PCDHGB3: variants seen among roughly 807,000 people sequenced by gnomAD.
The protein encoded by PCDHGB3 is protocadherin gamma subfamily B, 3, also known as protocadherin gamma-B3.
PCDHGB3 carries 40 observed loss-of-function variants against 59.2 expected under a neutral mutation model. That is an observed-to-expected ratio of 0.68 (90% confidence interval 0.52 to 0.88). PCDHGB3 has a LOEUF of 0.88. Among genes scored for constraint, PCDHGB3 ranks in the 40% least tolerant of loss-of-function variants. The probability of loss-of-function intolerance (pLI) is 0.00; values close to 1 mark genes in which losing one functional copy is unlikely to be tolerated. For missense variants in PCDHGB3, 1,309 were observed against 1,187.9 expected (o/e 1.10, Z -1.50); for synonymous variants, 581 against 503.6 (o/e 1.15, Z -2.06).
intron 1 of PCDHGB3, chr5:141,433,096 C>G: frequency 3.1e-6 from 5 of 1,614,118 alleles, no homozygotes; most frequent in Non-Finnish European, 4.2e-6. Flanking sequence ...CAGACATGCT[C>G]GTCAGCCAGG....
At chr5:141,421,651 A>C in intron 1 of PCDHGB3, 1 of 1,613,868 alleles carries the variant, frequency 6.2e-7, no homozygotes, top group Non-Finnish European at 8.5e-7. Flanking sequence ...AGTGGAGATA[A>C]AAGTCAGTGA....
intron 1 of PCDHGB3, among the ~76,000 whole-genome samples, chr5:141,460,124 A>AAT (rs2098982741): frequency 6.6e-6 from 1 of 152,052 alleles, no homozygotes; most frequent in African/African-American, 2.4e-5. Context: ...TTATATATGT[A>AAT]ATATATATAT....
chr5:141,472,980 C>CAAAAAAAAAAA (rs60579131), intron 1 of PCDHGB3, among the ~76,000 whole-genome samples: 11 of 86,030 alleles, frequency 1.3e-4, no homozygotes, highest in Non-Finnish European at 1.3e-4. Flanking sequence ...GAGTGAAACT[C>CAAAAAAAAAAA]AAAAAAAAAA....
In PCDHGB3 at chr5:141,398,692, A is replaced by G. The variant is rs150385715; in HGVS notation, c.2415+25883A>G. 1.9e-3 allele frequency: 3,041 copies of G among 1,613,942 alleles called. 6 individuals carry two copies. Among genetic ancestry groups the G allele is most frequent in the Non-Finnish European group, 2.3e-3 (2,760 of 1,179,898 alleles). On this transcript the variant is annotated intron_variant, in intron 1 of 3. Coordinates refer to ENST00000576222, the MANE Select transcript of PCDHGB3 (RefSeq NM_018924.5). The stretch of plus-strand genomic sequence containing the variant: ...AATAATTAAGGAGAAACAGGATGGT[A>G]GTAAATACCCGGAACTGGCACTGGA...
At chr5:141,419,689 G>T in intron 1 of PCDHGB3, 1 of 1,613,000 alleles carries the variant, frequency 6.2e-7, no homozygotes, top group African/African-American at 1.3e-5. Context: ...ACGTGGTGCA[G>T]GCCAGTGAGC....
chr5:141,432,707 G>T lies in PCDHGB3; in HGVS notation c.2415+59898G>T. The T allele has an allele frequency of 6.2e-7, 1 of 1,613,988 alleles. No homozygotes were observed. The highest frequency in any genetic ancestry group is 1.1e-5 in the South Asian group (1 of 91,080). ...CCTCGTAGTGGCCGTCCAGGACCAC[G>T]GCCAGCCCCCTCTCTCCGCCACTGT... On this transcript the variant is annotated intron_variant, in intron 1 of 3. Transcript: ENST00000576222. The surrounding 1 kb of genome is among the most constrained non-coding windows in gnomAD (Gnocchi z 6.0).
intron 1 of PCDHGB3, among the ~76,000 whole-genome samples, chr5:141,386,684 T>A (rs1216561775): frequency 6.6e-6 from 1 of 152,098 alleles, no homozygotes; most frequent in African/African-American, 2.4e-5. Flanking sequence ...AGATGTACAA[T>A]CACTTGGGGT....
At chr5:141,374,161 C>G in intron 1 of PCDHGB3, 1 of 1,612,316 alleles carries the variant, frequency 6.2e-7, no homozygotes, top group South Asian at 1.1e-5. Flanking sequence ...TGTGGGGGGC[C>G]GCGGCAGCGC....
chr5:141,421,680 G>A (rs2096591907), intron 1 of PCDHGB3: 5 of 1,613,758 alleles, frequency 3.1e-6, no homozygotes, highest in Non-Finnish European at 4.2e-6. Context: ...TTCCTGGGGC[G>A]CGATTTGCTC....
intron 1 of PCDHGB3, among the ~76,000 whole-genome samples, chr5:141,380,312 T>C (rs1776368746): frequency 6.6e-6 from 1 of 152,162 alleles, no homozygotes; most frequent in Middle Eastern, 3.2e-3. Context: ...TGCTTGAGAA[T>C]GAAAATCTAA....
In PCDHGB3 at chr5:141,432,446, C is replaced by T. The variant is rs765059815; in HGVS notation, c.2415+59637C>T. The T allele has an allele frequency of 1.2e-6, 2 of 1,614,256 alleles. No individual in the cohort carries two copies. Among genetic ancestry groups the T allele is most frequent in the Non-Finnish European group, 8.5e-7 (1 of 1,180,052 alleles). On this transcript the variant is annotated intron_variant, in intron 1 of 3. Transcript: ENST00000576222. The surrounding 1 kb of genome is among the most constrained non-coding windows in gnomAD (Gnocchi z 6.0). ...CCAGAACGACAATGCGCCCGAGATC[C>T]TGTACCCCGCCCTCCCCACGGACGG...
chr5:141,397,648 C>T (rs1045102412), intron 1 of PCDHGB3, among the ~76,000 whole-genome samples: 5 of 152,148 alleles, frequency 3.3e-5, no homozygotes, highest in African/African-American at 1.2e-4. Context: ...GGTATGTTTG[C>T]AGAATGGTGA....
chr5:141,431,473 C>T lies in PCDHGB3; in HGVS notation c.2415+58664C>T, dbSNP rs750300971. ...TGATGGTTCTGGATGCGAACGACAA[C>T]GCACCAGCGTTTGCTCAGCCCGAGT... On this transcript the variant is annotated intron_variant, in intron 1 of 3. Coordinates refer to ENST00000576222, the MANE Select transcript of PCDHGB3 (RefSeq NM_018924.5). This position sits in a 1 kb window ranked among gnomAD's most constrained non-coding sequence, Gnocchi z 4.8. 4.3e-6 allele frequency: 7 copies of T among 1,613,832 alleles called. No individual in the cohort carries two copies. The Admixed American group carries it at 1.2e-4, about 27-fold the overall frequency.
At chr5:141,383,674 A>T in intron 1 of PCDHGB3, 1 of 1,614,034 alleles carries the variant, frequency 6.2e-7, no homozygotes, top group Non-Finnish European at 8.5e-7. Context: ...GCCAGTGGGT[A>T]CAAGACTGCT....
intron 1 of PCDHGB3, chr5:141,382,606 GA>G: frequency 3.6e-6 from 1 of 276,248 alleles, no homozygotes; most frequent in African/African-American, 2.2e-5. Flanking sequence ...AATTTTCTAT[GA>G]AATCAGTGTA....
At chr5:141,412,406 G>T (rs1278637068) in intron 1 of PCDHGB3, 1 of 152,046 alleles carries the variant, frequency 6.6e-6, no homozygotes, top group African/African-American at 2.4e-5. Context: ...ATCCCTGTAA[G>T]ATAAAGTATG....
intron 1 of PCDHGB3, chr5:141,388,021 T>G (rs933819691): frequency 6.9e-7 from 1 of 1,457,968 alleles, no homozygotes; most frequent in Non-Finnish European, 9.3e-7. Flanking sequence ...AAGGGCTCCG[T>G]AGTGGGGAAC....
chr5:141,449,066 A>G (rs1234801725), intron 1 of PCDHGB3, among the ~76,000 whole-genome samples: 3 of 152,188 alleles, frequency 2.0e-5, no homozygotes, highest in African/African-American at 4.8e-5. Context: ...GCGCTATTGA[A>G]TAGCCCTGTA....
chr5:141,486,029 C>G lies in PCDHGB3; in HGVS notation c.2416-8778C>G. Reference sequence around the variant, plus strand: ...CACCTTTTATTTCAGTGGTCATACCCCTGATCGTGTAAGAAACCTCTTTAG... The same window carrying G: ...CACCTTTTATTTCAGTGGTCATACCGCTGATCGTGTAAGAAACCTCTTTAG... On this transcript the variant is annotated intron_variant, in intron 1 of 3. Transcript: ENST00000576222. The surrounding 1 kb of genome is among the most constrained non-coding windows in gnomAD (Gnocchi z 5.0). 6.2e-7 allele frequency: 1 copy of G among 1,614,016 alleles called. No homozygotes were observed. Among genetic ancestry groups the G allele is most frequent in the Non-Finnish European group, 8.5e-7 (1 of 1,179,900 alleles).
Sources: gnomAD v4.1 joint callset for allele counts (sites outside exome capture counted in the v4.1 genomes callset) on GRCh38, gnomAD v4.1.1 for gene constraint, Gnocchi (gnomAD v3.1) non-coding constraint, MANE v1.5 for transcripts, NCBI Gene and HGNC (gene_info 2026-07-23, HGNC 2026-07-21) for gene names.